Variants in SPON1 observed in about 807,000 individuals in gnomAD.
SPON1 encodes the protein spondin-1.
In SPON1, 52 loss-of-function variants were observed where a neutral mutation model predicts 111.7. The observed-to-expected ratio is 0.47, with a 90% CI of 0.37 to 0.59. The LOEUF (loss-of-function observed/expected upper bound fraction) is 0.59. Ranked by LOEUF, SPON1 falls within the 20% of genes least tolerant of loss-of-function variation. The pLI, the probability that SPON1 is intolerant of heterozygous loss-of-function variation, is 0.00. For missense variants in SPON1, 957 were observed against 1,068.5 expected, an observed-to-expected ratio of 0.90 and a Z score of 1.46; for synonymous variants, 410 against 395.8, an observed-to-expected ratio of 1.04 and a Z score of -0.43.
At position 14,225,989 on chromosome 11, in the gene SPON1, C is replaced by T. The variant is rs117964055; in HGVS notation, c.826-17343C>T. Reference sequence around the variant, plus strand: ...TTCCTAAAAGGTGGCATTTTGATTACAATCTTCAATTTGGATTTTTAAAAA... The same window carrying T: ...TTCCTAAAAGGTGGCATTTTGATTATAATCTTCAATTTGGATTTTTAAAAA... On this transcript the variant is annotated intron_variant, in intron 6 of 15. Coordinates refer to ENST00000576479, the MANE Select transcript of SPON1 (RefSeq NM_006108.4). 9.6e-3 allele frequency among the ~76,000 whole-genome samples: 1,458 copies of T among 152,268 alleles called. 14 individuals carry two copies. The highest frequency in any genetic ancestry group is 0.014 in the Non-Finnish European group (955 of 68,008).
chr11:14,130,251 A>G (rs1287348534), intron 5 of SPON1, among the ~76,000 whole-genome samples: 2 of 152,214 alleles, frequency 1.3e-5, no homozygotes, highest in African/African-American at 4.8e-5. Context: ...CTGTGAGGTC[A>G]TGATACAGAA....
intron 2 of SPON1, among the ~76,000 whole-genome samples, chr11:13,991,426 A>G (rs1848229437): frequency 1.3e-5 from 2 of 152,166 alleles, no homozygotes; most frequent in African/African-American, 4.8e-5. Context: ...CAGCTCCATC[A>G]GGTCATTTAT....
intron 3 of SPON1, among the ~76,000 whole-genome samples, chr11:14,042,634 C>T (rs539540257): frequency 3.8e-4 from 58 of 152,248 alleles, no homozygotes; most frequent in Non-Finnish European, 7.2e-4. Context: ...CTGAGACCTT[C>T]CCAACAGCCT....
chr11:14,125,157 G>A (rs550489662), intron 5 of SPON1, among the ~76,000 whole-genome samples: 6 of 152,332 alleles, frequency 3.9e-5, no homozygotes, highest in African/African-American at 7.2e-5. Context: ...GCACCCAGGC[G>A]CAAACCCGCA....
chr11:14,141,259 C>T (rs547407195), intron 6 of SPON1, among the ~76,000 whole-genome samples: 72 of 152,196 alleles, frequency 4.7e-4, no homozygotes, highest in Admixed American at 8.5e-4. Context: ...TATATTTGTC[C>T]AGCATTTCTA....
At chr11:14,260,847 T>C in intron 14 of SPON1, 95 bp downstream of exon 14, 1 of 1,358,154 alleles carries the variant, frequency 7.4e-7, no homozygotes, top group Non-Finnish European at 1.0e-6. Flanking sequence ...GATCCTAGAA[T>C]AACATGGTTT....
intron 5 of SPON1, among the ~76,000 whole-genome samples, chr11:14,119,065 G>C (rs782816497): frequency 2.0e-5 from 3 of 152,208 alleles, no homozygotes; most frequent in Non-Finnish European, 4.4e-5. Context: ...AGGGGTGGTA[G>C]AGGATTACCT....
chr11:14,213,661 A>C lies in SPON1; in HGVS notation c.826-29671A>C, dbSNP rs571930697. On this transcript the variant is annotated intron_variant, in intron 6 of 15. Coordinates refer to ENST00000576479, the MANE Select transcript of SPON1 (RefSeq NM_006108.4). ...AGAATAGGAAACAGTCTCCAGCCTC[A>C]AGAGTCCTTCAGTTGAGCTGAGGAA... is the stretch of plus-strand genomic sequence containing the variant. 1.5e-4 allele frequency among the ~76,000 whole-genome samples: 23 copies of C among 152,328 alleles called. No individual in the cohort carries two copies. In the South Asian group the frequency reaches 3.7e-3, roughly 25 times the overall value.
chr11:14,113,646 A>G (rs1554925694), intron 5 of SPON1, among the ~76,000 whole-genome samples: 1 of 115,848 alleles, frequency 8.6e-6, no homozygotes, highest in Non-Finnish European at 1.6e-5. Flanking sequence ...TCTGTCGCCC[A>G]GGCTGGAGTG....
At chr11:14,019,215 T>TAGG (rs1379115058) in intron 2 of SPON1, among the ~76,000 whole-genome samples, 1 of 152,140 alleles carries the variant, frequency 6.6e-6, no homozygotes, top group Admixed American at 6.5e-5. Flanking sequence ...CTCAGCCACT[T>TAGG]AGGAGACTTA....
At chr11:14,098,239 G>T (rs373202555) in intron 5 of SPON1, among the ~76,000 whole-genome samples, 14 of 152,286 alleles carry the variant, frequency 9.2e-5, no homozygotes, top group Non-Finnish European at 1.8e-4. Flanking sequence ...CTTGTGATCC[G>T]CCTGCCTCGG....
At chr11:14,225,931 T>C (rs1848734440) in intron 6 of SPON1, among the ~76,000 whole-genome samples, 1 of 152,224 alleles carries the variant, frequency 6.6e-6, no homozygotes, top group Non-Finnish European at 1.5e-5. Context: ...GTCTATATAA[T>C]GTCTTAGACA....
intron 1 of SPON1, among the ~76,000 whole-genome samples, chr11:13,972,162 T>G (rs1161536384): frequency 2.0e-5 from 3 of 152,184 alleles, no homozygotes; most frequent in Admixed American, 6.5e-5. Flanking sequence ...TGTGGTCTGT[T>G]AGGGGCAGGA....
chr11:14,236,983 A>G (rs781909954), intron 6 of SPON1, among the ~76,000 whole-genome samples: 18 of 152,248 alleles, frequency 1.2e-4, no homozygotes, highest in Non-Finnish European at 2.1e-4. Flanking sequence ...GCAGCAGTGC[A>G]GACCATGGGC....
intron 6 of SPON1, among the ~76,000 whole-genome samples, chr11:14,142,800 A>G (rs1365214073): frequency 1.3e-5 from 2 of 152,238 alleles, no homozygotes; most frequent in Non-Finnish European, 2.9e-5. Context: ...GAACAAAGGA[A>G]ACTTTATTGT....
intron 1 of SPON1, among the ~76,000 whole-genome samples, chr11:13,967,478 C>T (rs1434576201): frequency 6.7e-6 from 1 of 148,380 alleles, no homozygotes; most frequent in Non-Finnish European, 1.5e-5. Flanking sequence ...AGCCTTTGGC[C>T]AATTCCTTTT....
chr11:14,149,434 A>T (rs1847762447), intron 6 of SPON1, among the ~76,000 whole-genome samples: 1 of 148,464 alleles, frequency 6.7e-6, no homozygotes, highest in Non-Finnish European at 1.5e-5. Context: ...TTAAAAAGGT[A>T]AAAAAAAGTG....
chr11:14,097,167 A>T (rs1849108202), intron 5 of SPON1, among the ~76,000 whole-genome samples: 1 of 152,164 alleles, frequency 6.6e-6, no homozygotes, highest in Non-Finnish European at 1.5e-5. Flanking sequence ...CTTTGCCAAC[A>T]CTAGGCTGTC....
chr11:14,018,110 T>C (rs1554914473), intron 2 of SPON1, among the ~76,000 whole-genome samples: 1 of 152,226 alleles, frequency 6.6e-6, no homozygotes, highest in Non-Finnish European at 1.5e-5. Context: ...AACAAGGTAC[T>C]ATTTAGAGTC....
Sources: allele counts gnomAD v4.1 joint callset (sites outside exome capture counted in the v4.1 genomes callset), GRCh38; gene constraint gnomAD v4.1.1; transcripts MANE v1.5; gene names NCBI Gene and HGNC (gene_info 2026-07-23, HGNC 2026-07-21).